The following SIPA1L3 variants were observed in gnomAD, a reference collection of about 807,000 sequenced individuals.
SIPA1L3 encodes the protein signal induced proliferation associated 1 like 3.
SIPA1L3 carries 59 observed loss-of-function variants against 150.1 expected under a neutral mutation model. The ratio of observed to expected loss-of-function variants is 0.39; its 90% CI spans 0.32 to 0.49. The LOEUF (loss-of-function observed/expected upper bound fraction) is 0.49, where lower values mean the gene tolerates loss of function less well. Among genes scored for constraint, SIPA1L3 ranks in the 20% least tolerant of loss-of-function variants. The pLI is 0.86. For missense variants in SIPA1L3, 2,211 were observed against 2,489.5 expected (o/e 0.89, Z 2.38); for synonymous variants, 1,070 against 1,077.6 (o/e 0.99, Z 0.14).
intron 13 of SIPA1L3, among the ~76,000 whole-genome samples, chr19:38,154,311 T>C (rs1373437904): frequency 2.0e-5 from 3 of 152,224 alleles, no homozygotes; most frequent in Non-Finnish European, 2.9e-5. Context: ...TTGTTTGCAG[T>C]TGGGCTGCCT....
intron 1 of SIPA1L3, among the ~76,000 whole-genome samples, chr19:37,990,456 A>G (rs1967475399): frequency 6.6e-6 from 1 of 152,204 alleles, no homozygotes; most frequent in South Asian, 2.1e-4. Flanking sequence ...GGCGGAAGCC[A>G]GGTCCGATGG....
At chr19:38,111,069 G>A (rs1457313631) in intron 8 of SIPA1L3, among the ~76,000 whole-genome samples, 1 of 151,074 alleles carries the variant, frequency 6.6e-6, no homozygotes, top group Non-Finnish European at 1.5e-5. Flanking sequence ...TGTCACCCAG[G>A]CTGGAATGCA....
chr19:38,130,739 T>TCATCC lies in SIPA1L3; in HGVS notation c.3112_3116dup (p.Pro1040SerfsTer19). The TCATCC allele has an allele frequency of 6.2e-7, 1 of 1,610,318 alleles. No homozygotes were observed. Among genetic ancestry groups the TCATCC allele is most frequent in the Non-Finnish European group, 8.5e-7 (1 of 1,176,928 alleles). On this transcript the variant is annotated frameshift_variant, in exon 10 of 22. Coordinates refer to ENST00000222345, the MANE Select transcript of SIPA1L3 (RefSeq NM_015073.3). LOFTEE classifies it high-confidence loss of function. ...ACCTCTGTCACTGTGAAGGTGGTCATCATCCCGCCTTTTGAGGACGGCACT... is the reference window on the plus strand; with the variant it reads ...ACCTCTGTCACTGTGAAGGTGGTCATCATCCCATCCCGCCTTTTGAGGACGGCACT...
At chr19:38,036,992 G>C (rs1296231385) in intron 2 of SIPA1L3, among the ~76,000 whole-genome samples, 1 of 152,142 alleles carries the variant, frequency 6.6e-6, no homozygotes, top group African/African-American at 2.4e-5. Flanking sequence ...TAACTACAAG[G>C]GACTAGAAAT....
chr19:37,985,121 G>A (rs558669164), intron 1 of SIPA1L3, among the ~76,000 whole-genome samples: 1 of 152,262 alleles, frequency 6.6e-6, no homozygotes, highest in South Asian at 2.1e-4. Context: ...GCCAAGGCAG[G>A]AGGATCAGTT....
At chr19:38,069,536 C>T (rs1231937640) in intron 2 of SIPA1L3, among the ~76,000 whole-genome samples, 2 of 152,178 alleles carry the variant, frequency 1.3e-5, no homozygotes, top group Admixed American at 6.5e-5. Context: ...TTCCTTCTGT[C>T]CTCACCTAAG....
intron 2 of SIPA1L3, among the ~76,000 whole-genome samples, chr19:38,062,155 C>A (rs916920344): frequency 1.6e-4 from 24 of 152,008 alleles, no homozygotes; most frequent in African/African-American, 2.4e-5. Flanking sequence ...TGGCACTTAC[C>A]CCCTCTGGTA....
chr19:38,204,283 C>T, intron 21 of SIPA1L3, 75 bp downstream of exon 21: 1 of 1,269,562 alleles, frequency 7.9e-7, no homozygotes, highest in South Asian at 1.3e-5. Flanking sequence ...GATCAGGCAC[C>T]TGCCCCCGCC....
intron 19 of SIPA1L3, chr19:38,200,047 A>G (rs1200698410): frequency 6.6e-6 from 1 of 151,980 alleles, no homozygotes; most frequent in Non-Finnish European, 1.5e-5. Context: ...TGGGCATCGT[A>G]GCGACACCCT....
intron 8 of SIPA1L3, among the ~76,000 whole-genome samples, chr19:38,115,711 C>T (rs560228607): frequency 6.6e-6 from 1 of 152,332 alleles, no homozygotes; most frequent in African/African-American, 2.4e-5. Flanking sequence ...GCCCTTAGAT[C>T]CCAGCTTCAT....
At chr19:38,073,724 G>T (rs1465267036) in intron 2 of SIPA1L3, among the ~76,000 whole-genome samples, 1 of 152,144 alleles carries the variant, frequency 6.6e-6, no homozygotes, top group African/African-American at 2.4e-5. Flanking sequence ...AGAAACCAGG[G>T]GTCCCCAGCA....
At chr19:38,141,845 T>C (rs1038341347) in intron 11 of SIPA1L3, among the ~76,000 whole-genome samples, 1 of 152,046 alleles carries the variant, frequency 6.6e-6, no homozygotes, top group African/African-American at 2.4e-5. Flanking sequence ...ATTAGCCAGG[T>C]GTGATGCACA....
chr19:38,145,294 G>A (rs1439630190), intron 12 of SIPA1L3, among the ~76,000 whole-genome samples: 1 of 152,138 alleles, frequency 6.6e-6, no homozygotes, highest in African/African-American at 2.4e-5. Context: ...CACTTTGGGA[G>A]GCCGAGATCG....
intron 9 of SIPA1L3, among the ~76,000 whole-genome samples, chr19:38,123,890 A>G (rs1249210335): frequency 2.5e-5 from 3 of 122,044 alleles, no homozygotes; most frequent in Non-Finnish European, 1.6e-5. Context: ...GGCCGGGCAG[A>G]GGGGCTCCTC....
At chr19:38,073,769 G>T (rs563570051) in intron 2 of SIPA1L3, among the ~76,000 whole-genome samples, 3 of 152,290 alleles carry the variant, frequency 2.0e-5, no homozygotes, top group Admixed American at 1.3e-4. Flanking sequence ...GGTCCACTGT[G>T]CCTGCCCCTG....
chr19:38,170,373 G>A (rs1379892444), intron 15 of SIPA1L3, among the ~76,000 whole-genome samples: 2 of 152,188 alleles, frequency 1.3e-5, no homozygotes, highest in African/African-American at 2.4e-5. Context: ...CGGCCACACT[G>A]CACTGTGCAC....
chr19:37,977,674 C>T (rs531893491), intron 1 of SIPA1L3, among the ~76,000 whole-genome samples: 10 of 152,034 alleles, frequency 6.6e-5, no homozygotes, highest in Admixed American at 6.6e-5. Context: ...GCAGAGACTC[C>T]AGGCTCCAGG....
At chr19:37,948,216 GA>G (rs1342118676) in intron 1 of SIPA1L3, among the ~76,000 whole-genome samples, 1 of 152,092 alleles carries the variant, frequency 6.6e-6, no homozygotes, top group Non-Finnish European at 1.5e-5. Context: ...CATCCTGGGG[GA>G]AAAAACCTCA....
At position 38,182,706 on chromosome 19, in the gene SIPA1L3, C is replaced by G. The variant is rs766137547; in HGVS notation, c.4396C>G (p.Pro1466Ala). 1 of 1,613,848 alleles carries G rather than the reference C, an allele frequency of 6.2e-7. No homozygotes were observed. The highest frequency in any genetic ancestry group is 8.5e-7 in the Non-Finnish European group (1 of 1,179,870). The change falls in exon 16 of 22, where the codon CCA becomes GCA. Residue 1466 changes from proline to alanine, a missense_variant. Physicochemically the swap from Pro to Ala is conservative, Grantham distance 27. Around this residue, in one of 5 missense-constraint regions of SIPA1L3, gnomAD observed 806 missense variants for 870.1 expected, o/e 0.93. Coordinates refer to ENST00000222345, the MANE Select transcript of SIPA1L3 (RefSeq NM_015073.3). ...AGGGTGGAAGAGAACGGAGGAGCCC[C>G]CACCACGGCCACTCCCCTTCAGTGA... ...PTGWKRTEEP[P>A]PRPLPFSDPK...
Sources: allele counts gnomAD v4.1 joint callset (sites outside exome capture counted in the v4.1 genomes callset), GRCh38; gene constraint gnomAD v4.1.1; regional missense constraint gnomAD v4.1.1; transcripts MANE v1.5; gene names NCBI Gene and HGNC (gene_info 2026-07-23, HGNC 2026-07-21).